The following PRELID2 variants were observed in gnomAD, a reference collection of about 807,000 sequenced individuals.
PRELID2 encodes PRELI domain-containing protein 2.
A neutral mutation model predicts 28.4 loss-of-function variants in PRELID2; 25 were observed. That is an observed-to-expected ratio of 0.88 (90% CI 0.64 to 1.23). The LOEUF (loss-of-function observed/expected upper bound fraction) is 1.23. Ranked by LOEUF, PRELID2 falls within the 50% of genes most tolerant of loss-of-function variation. The pLI, the probability that PRELID2 is intolerant of heterozygous loss-of-function variation, is 0.00. For synonymous variants in PRELID2, 76 were observed against 71.6 expected (o/e 1.06, Z -0.31); for missense variants, 201 against 214.4 (o/e 0.94, Z 0.39).
At chr5:145,699,884 G>A (rs554196479) in intron 1 of PRELID2, among the ~76,000 whole-genome samples, 6 of 152,088 alleles carry the variant, frequency 3.9e-5, no homozygotes, top group African/African-American at 7.2e-5. Flanking sequence ...GGTGTTTCTC[G>A]CTTCTTTTGG....
chr5:145,421,010 G>T, the PRELID2 span, among the ~76,000 whole-genome samples: 142 of 145,646 alleles, frequency 9.7e-4, no homozygotes, highest in African/African-American at 3.6e-3. Context: ...TTTGTCTTTT[G>T]CTCTGTTTAT....
At chr5:145,371,885 T>TAA in the PRELID2 span, among the ~76,000 whole-genome samples, 5,100 of 124,224 alleles carry the variant, frequency 0.041, 138 homozygotes, top group South Asian at 0.081. Context: ...TTTTGTTAAT[T>TAA]TAAAAAAAAA....
chr5:145,343,499 C>T, the PRELID2 span, among the ~76,000 whole-genome samples: 1 of 150,900 alleles, frequency 6.6e-6, no homozygotes, highest in Non-Finnish European at 1.5e-5. Context: ...ATGTCAAAAC[C>T]TGTGAGATAC....
At chr5:145,615,327 G>GTTTTTTTT (rs141780236) in intron 1 of PRELID2, among the ~76,000 whole-genome samples, 1 of 68,914 alleles carries the variant, frequency 1.5e-5, no homozygotes. Context: ...TCTTTTTTTT[G>GTTTTTTTT]TTTTTTTTTT....
At chr5:145,718,871 GT>G (rs1453798592) in intron 1 of PRELID2, among the ~76,000 whole-genome samples, 2 of 152,052 alleles carry the variant, frequency 1.3e-5, no homozygotes, top group Non-Finnish European at 2.9e-5. Context: ...CTTGATAAGT[GT>G]AAGATGTGAG....
At chr5:145,755,859 C>G (rs144763097), downstream of PRELID2, among the ~76,000 whole-genome samples, 187 of 152,252 alleles carry the variant, frequency 1.2e-3, 1 homozygote, top group African/African-American at 4.2e-3. Flanking sequence ...TACCTGGGCT[C>G]TAGCATTAAC....
intron 2 of PRELID2, among the ~76,000 whole-genome samples, chr5:145,821,152 G>GGTGGGTGTGTGTGTGTGTGTGT (rs1554100260): frequency 2.0e-4 from 18 of 88,264 alleles, no homozygotes; most frequent in African/African-American, 6.8e-4. Flanking sequence ...AACTCTCCTG[G>GGTGGGTGTGTGTGTGTGTGTGT]GTGTGTGTGT....
At chr5:145,809,989 A>C (rs375804949) in intron 4 of PRELID2, among the ~76,000 whole-genome samples, 3 of 152,212 alleles carry the variant, frequency 2.0e-5, no homozygotes, top group East Asian at 3.9e-4. Flanking sequence ...ATAAATAAGA[A>C]CCAGAAACTC....
intron 1 of PRELID2, among the ~76,000 whole-genome samples, chr5:145,829,773 C>T (rs1755459547): frequency 6.6e-6 from 1 of 152,148 alleles, no homozygotes; most frequent in African/African-American, 2.4e-5. Flanking sequence ...AAGACTAGTA[C>T]AGCATGTGAC....
At chr5:145,405,380 A>G in the PRELID2 span, among the ~76,000 whole-genome samples, 1 of 152,160 alleles carries the variant, frequency 6.6e-6, no homozygotes, top group Non-Finnish European at 1.5e-5. Context: ...CATTACTATA[A>G]AGAAATACCT....
chr5:145,335,462 T>C, the PRELID2 span, among the ~76,000 whole-genome samples: 1 of 152,132 alleles, frequency 6.6e-6, no homozygotes, highest in Non-Finnish European at 1.5e-5. Flanking sequence ...ACTTCATAGA[T>C]CTCCATTTCT....
the PRELID2 span, among the ~76,000 whole-genome samples, chr5:145,386,210 T>G: frequency 2.0e-5 from 3 of 151,958 alleles, no homozygotes; most frequent in Admixed American, 6.6e-5. Flanking sequence ...AAAATAACCC[T>G]TATAAAACTA....
chr5:145,542,604 G>T (rs562511661), intron 1 of PRELID2, among the ~76,000 whole-genome samples: 1 of 152,156 alleles, frequency 6.6e-6, no homozygotes, highest in African/African-American at 2.4e-5. Flanking sequence ...GATCATATGA[G>T]GAATGAAAGT....
chr5:145,374,710 C>A, the PRELID2 span, among the ~76,000 whole-genome samples: 1 of 152,090 alleles, frequency 6.6e-6, no homozygotes, highest in African/African-American at 2.4e-5. Flanking sequence ...ATCTTGTCTG[C>A]ATGCCTTATT....
chr5:145,369,364 C>T, the PRELID2 span, among the ~76,000 whole-genome samples: 1 of 151,908 alleles, frequency 6.6e-6, no homozygotes, highest in East Asian at 1.9e-4. Flanking sequence ...ATGAGTGAGA[C>T]CATGTGGTGT....
the PRELID2 span, among the ~76,000 whole-genome samples, chr5:145,344,271 C>T: frequency 7.2e-5 from 11 of 152,108 alleles, no homozygotes; most frequent in Admixed American, 6.6e-4. Flanking sequence ...TAATAGCAAA[C>T]TGAATCCAAC....
the PRELID2 span, among the ~76,000 whole-genome samples, chr5:145,273,574 C>T: frequency 9.2e-5 from 14 of 152,050 alleles, no homozygotes; most frequent in African/African-American, 2.4e-4. Flanking sequence ...AAAGAAGAGA[C>T]GGAAATGCTT....
the PRELID2 span, among the ~76,000 whole-genome samples, chr5:145,337,714 T>G: frequency 2.4e-5 from 1 of 41,296 alleles, no homozygotes; most frequent in Non-Finnish European, 4.6e-5. Context: ...TATATATATA[T>G]ATATATATAT....
intron 5 of PRELID2, among the ~76,000 whole-genome samples, chr5:145,768,003 G>A (rs1393945542): frequency 6.6e-6 from 1 of 152,026 alleles, no homozygotes; most frequent in Non-Finnish European, 1.5e-5. Context: ...GAGGCAGGTG[G>A]ATCACGAGGT....
Sources: gnomAD v4.1 joint callset for allele counts (sites outside exome capture counted in the v4.1 genomes callset) on GRCh38, gnomAD v4.1.1 for gene constraint, MANE v1.5 for transcripts, NCBI Gene and HGNC (gene_info 2026-07-23, HGNC 2026-07-21) for gene names.